Variants in SLC35F3 observed in about 807,000 individuals in gnomAD.
The protein encoded by SLC35F3 is putative thiamine transporter SLC35F3.
Under a neutral mutation model 49.9 loss-of-function variants are expected in SLC35F3, and 25 were observed. The ratio of observed to expected loss-of-function variants is 0.50; its 90% CI spans 0.37 to 0.70. SLC35F3 has a LOEUF of 0.70. Among genes scored for constraint, SLC35F3 ranks in the 30% least tolerant of loss-of-function variants. The pLI is 0.00. For missense variants in SLC35F3, 525 were observed against 639.8 expected, an observed-to-expected ratio of 0.82 and a Z score of 1.94; for synonymous variants, 275 against 265.4, an observed-to-expected ratio of 1.04 and a Z score of -0.35.
chr1:234,292,001 C>T (rs899320554), intron 3 of SLC35F3, among the ~76,000 whole-genome samples: 39 of 152,256 alleles, frequency 2.6e-4, no homozygotes, highest in African/African-American at 8.7e-4. Flanking sequence ...TCCAGGGAAA[C>T]CATAGCTCAC....
At chr1:234,040,557 A>G (rs1274056193) in intron 2 of SLC35F3, among the ~76,000 whole-genome samples, 2 of 152,156 alleles carry the variant, frequency 1.3e-5, no homozygotes, top group African/African-American at 4.8e-5. Flanking sequence ...GTAGACCCAC[A>G]CAAGCATCCA....
intron 3 of SLC35F3, among the ~76,000 whole-genome samples, chr1:234,291,122 C>T (rs900990857): frequency 1.3e-5 from 2 of 152,108 alleles, no homozygotes; most frequent in African/African-American, 4.8e-5. Flanking sequence ...TGTTCGCCAC[C>T]CCCCAAACCA....
At chr1:233,909,316 G>T (rs1415976739) in intron 2 of SLC35F3, among the ~76,000 whole-genome samples, 1 of 152,142 alleles carries the variant, frequency 6.6e-6, no homozygotes, top group African/African-American at 2.4e-5. Context: ...CCATGTTTTT[G>T]AACCAAACCA....
intron 2 of SLC35F3, among the ~76,000 whole-genome samples, chr1:233,952,661 A>C (rs1558187819): frequency 6.6e-6 from 1 of 152,170 alleles, no homozygotes; most frequent in Non-Finnish European, 1.5e-5. Context: ...TGTGGTGAAC[A>C]AAACATTTAG....
intron 2 of SLC35F3, among the ~76,000 whole-genome samples, chr1:234,224,200 G>A (rs1413767809): frequency 6.6e-6 from 1 of 152,106 alleles, no homozygotes; most frequent in Non-Finnish European, 1.5e-5. Context: ...AGGTAGCTGG[G>A]ACTATAGGCA....
chr1:234,238,985 A>G (rs1045915030), intron 3 of SLC35F3, among the ~76,000 whole-genome samples: 2 of 152,192 alleles, frequency 1.3e-5, no homozygotes, highest in East Asian at 1.9e-4. Context: ...GTCAGTGCCA[A>G]CGCTCATGTT....
chr1:234,251,464 CAAA>C (rs56891961), intron 3 of SLC35F3, among the ~76,000 whole-genome samples: 18 of 123,820 alleles, frequency 1.5e-4, no homozygotes, highest in Non-Finnish European at 2.0e-4. Flanking sequence ...CAAACTAAAC[CAAA>C]AAAAAAAAAA....
rs555497093 is a variant in SLC35F3 at position 233,922,916 on chromosome 1, A to C, written c.283+17158A>C. On this transcript the variant is annotated intron_variant, in intron 2 of 7. Coordinates refer to ENST00000366618, the MANE Select transcript of SLC35F3 (RefSeq NM_173508.4). Reference sequence around the variant, plus strand: ...TTATTAAATCGGGAATCGTTTCCCCATTTCTTGTTTTTGTCAGGTTTGTCA... The same window carrying C: ...TTATTAAATCGGGAATCGTTTCCCCCTTTCTTGTTTTTGTCAGGTTTGTCA... Among the ~76,000 whole-genome samples the C allele has an allele frequency of 1.5e-3, 229 of 152,260 alleles. 1 individual carries two copies. The highest frequency in any genetic ancestry group is 5.4e-3 in the African/African-American group (223 of 41,552).
intron 3 of SLC35F3, among the ~76,000 whole-genome samples, chr1:234,308,625 C>G (rs12737076): frequency 8.8e-3 from 942 of 106,532 alleles, no homozygotes; most frequent in Middle Eastern, 0.019. Context: ...CCCACAACCC[C>G]CACCCCCAGA....
At chr1:234,041,371 A>G (rs1355040678) in intron 2 of SLC35F3, among the ~76,000 whole-genome samples, 2 of 152,148 alleles carry the variant, frequency 1.3e-5, no homozygotes, top group Non-Finnish European at 2.9e-5. Flanking sequence ...GAAGGGGGAA[A>G]AGGACTACGG....
chr1:234,116,499 T>G, intron 2 of SLC35F3, among the ~76,000 whole-genome samples: 1 of 142,800 alleles, frequency 7.0e-6, no homozygotes, highest in South Asian at 2.6e-4. Context: ...CCCCCATTAT[T>G]TTTGTTTTTA....
chr1:234,003,557 G>A (rs988266313), intron 2 of SLC35F3, among the ~76,000 whole-genome samples: 11 of 152,206 alleles, frequency 7.2e-5, no homozygotes, highest in Non-Finnish European at 1.3e-4. Flanking sequence ...AGAAAAAAAT[G>A]TGGCAGTATA....
intron 2 of SLC35F3, among the ~76,000 whole-genome samples, chr1:233,950,477 C>CTTCT (rs1177278866): frequency 6.8e-6 from 1 of 146,604 alleles, no homozygotes; most frequent in Non-Finnish European, 1.5e-5. Flanking sequence ...TCCTTCCTTC[C>CTTCT]TTCCTTCCTT....
At chr1:233,968,095 G>A (rs1027416348) in intron 2 of SLC35F3, among the ~76,000 whole-genome samples, 2 of 152,190 alleles carry the variant, frequency 1.3e-5, no homozygotes, top group African/African-American at 4.8e-5. Flanking sequence ...CTGTGAGGGA[G>A]AATCTGTCGC....
At chr1:234,293,457 G>A (rs183498826) in intron 3 of SLC35F3, among the ~76,000 whole-genome samples, 139 of 152,310 alleles carry the variant, frequency 9.1e-4, no homozygotes, top group African/African-American at 2.9e-3. Context: ...TCTCTGTGTC[G>A]TCTTCAAGGG....
intron 2 of SLC35F3, among the ~76,000 whole-genome samples, chr1:234,066,842 A>T (rs957193751): frequency 0.012 from 829 of 67,496 alleles, 16 homozygotes; most frequent in African/African-American, 0.013. Flanking sequence ...ACACACACAC[A>T]CACACACACA....
intron 3 of SLC35F3, among the ~76,000 whole-genome samples, chr1:234,291,753 A>T (rs1165726722): frequency 1.3e-5 from 2 of 152,148 alleles, no homozygotes; most frequent in Admixed American, 1.3e-4. Context: ...CGTGATGGAG[A>T]AGCCACCATA....
At position 233,970,023 on chromosome 1, in the gene SLC35F3, G is replaced by A. The variant is rs1009745781; in HGVS notation, c.283+64265G>A. On this transcript the variant is annotated intron_variant, in intron 2 of 7. Coordinates refer to ENST00000366618, the MANE Select transcript of SLC35F3 (RefSeq NM_173508.4). ...ATCGGATGCCCTCTGTCTAAGGGAG[G>A]CTTGGAAAAATACTTCTAGTGGGAC... Among the ~76,000 whole-genome samples, 3 of 152,200 alleles carry A rather than the reference G, an allele frequency of 2.0e-5. No homozygotes were observed. The South Asian group carries it at 6.2e-4, about 32-fold the overall frequency.
Position 234,149,618 on chromosome 1 carries a change from T to C in SLC35F3, c.284-81799T>C, listed in dbSNP as rs77085088. On this transcript the variant is annotated intron_variant, in intron 2 of 7. Transcript: ENST00000366618. ...AGGCATCCCTAATCCTATGAATTCCTGGACATCTGTTTCATATGCTCTTTT... is the reference window on the plus strand; with the variant it reads ...AGGCATCCCTAATCCTATGAATTCCCGGACATCTGTTTCATATGCTCTTTT... Among the ~76,000 whole-genome samples, 1,110 of 152,284 alleles carry C rather than the reference T, an allele frequency of 7.3e-3. 20 individuals are homozygous for C. Among genetic ancestry groups the C allele is most frequent in the African/African-American group, 0.024 (999 of 41,558 alleles).
Sources: allele counts gnomAD v4.1 joint callset (sites outside exome capture counted in the v4.1 genomes callset), GRCh38; gene constraint gnomAD v4.1.1; transcripts MANE v1.5; gene names NCBI Gene and HGNC (gene_info 2026-07-23, HGNC 2026-07-21).